Variants in EVL observed in about 807,000 individuals in gnomAD.
The protein encoded by EVL is ena/VASP-like protein.
EVL carries 21 observed loss-of-function variants against 59.6 expected under a neutral mutation model. That is an observed-to-expected ratio of 0.35 (90% confidence interval 0.25 to 0.51). The LOEUF is 0.51. Among genes scored for constraint, EVL ranks in the 20% least tolerant of loss-of-function variants. The pLI, the probability that EVL is intolerant of heterozygous loss-of-function variation, is 0.97. For missense variants in EVL, 462 were observed against 546.6 expected, an observed-to-expected ratio of 0.85 and a Z score of 1.54; for synonymous variants, 198 against 203.5, an observed-to-expected ratio of 0.97 and a Z score of 0.23.
chr14:100,098,333 G>A (rs886844080), intron 3 of EVL, among the ~76,000 whole-genome samples: 14 of 152,220 alleles, frequency 9.2e-5, no homozygotes, highest in Admixed American at 2.0e-4. Context: ...AGTGGGCATC[G>A]CAGGCGGGAA....
At chr14:100,004,405 T>C (rs2060965284) in intron 1 of EVL, among the ~76,000 whole-genome samples, 1 of 152,104 alleles carries the variant, frequency 6.6e-6, no homozygotes, top group African/African-American at 2.4e-5. Context: ...AATTACAATC[T>C]CTTATCATTT....
At chr14:100,116,186 G>A (rs1047123760) in intron 3 of EVL, among the ~76,000 whole-genome samples, 3 of 152,226 alleles carry the variant, frequency 2.0e-5, no homozygotes, top group African/African-American at 7.2e-5. Flanking sequence ...AGGGAAAGGT[G>A]TGCCGGGGAT....
intron 6 of EVL, 110 bp from the exon 7 acceptor site, chr14:100,129,453 T>C: frequency 1.3e-6 from 2 of 1,507,204 alleles, no homozygotes; most frequent in Non-Finnish European, 9.1e-7. Flanking sequence ...CTTGCAGTGC[T>C]GCTGCCATAG....
chr14:100,110,285 A>G (rs1220848563), intron 3 of EVL, among the ~76,000 whole-genome samples: 1 of 152,152 alleles, frequency 6.6e-6, no homozygotes, highest in East Asian at 1.9e-4. Context: ...GGGGTAGCAG[A>G]ATTGCTTGAG....
At chr14:100,047,844 A>C (rs1595091840) in intron 1 of EVL, among the ~76,000 whole-genome samples, 1 of 152,330 alleles carries the variant, frequency 6.6e-6, no homozygotes, top group African/African-American at 2.4e-5. Context: ...GATGTTTGAC[A>C]AAGGTAAAAA....
At chr14:100,115,449 T>C (rs1887278300) in intron 3 of EVL, among the ~76,000 whole-genome samples, 1 of 152,246 alleles carries the variant, frequency 6.6e-6, no homozygotes, top group South Asian at 2.1e-4. Context: ...CTCCAGTGTC[T>C]CCTTGTTAGT....
intron 7 of EVL, among the ~76,000 whole-genome samples, chr14:100,131,592 G>A (rs570038658): frequency 1.6e-4 from 25 of 152,312 alleles, no homozygotes; most frequent in Non-Finnish European, 3.1e-4. Context: ...TACACTCCCC[G>A]TGAGCAGGTG....
intron 3 of EVL, among the ~76,000 whole-genome samples, chr14:100,117,168 C>T (rs1887401087): frequency 6.6e-6 from 1 of 152,176 alleles, no homozygotes; most frequent in African/African-American, 2.4e-5. Flanking sequence ...GAAGACTTTG[C>T]CAGTGAGAAC....
At chr14:100,132,069 TGTAGACCTGGGAG>T (rs1429825915) in intron 7 of EVL, among the ~76,000 whole-genome samples, 1 of 152,004 alleles carries the variant, frequency 6.6e-6, no homozygotes, top group Non-Finnish European at 1.5e-5. Context: ...TGCCTGCCTC[TGTAGACCTGGGAG>T]GTCAGCAGAT....
chr14:99,986,921 T>C (rs2060843525), intron 1 of EVL, among the ~76,000 whole-genome samples: 1 of 152,194 alleles, frequency 6.6e-6, no homozygotes. Context: ...GATTGTAAAC[T>C]TCAGTGGGAA....
At chr14:100,000,599 G>A (rs1489198243) in intron 1 of EVL, among the ~76,000 whole-genome samples, 12 of 151,884 alleles carry the variant, frequency 7.9e-5, no homozygotes, top group Admixed American at 7.2e-4. Context: ...CGCCCACCTC[G>A]GCCTCCCAAA....
chr14:100,039,224 C>T (rs923920882), intron 1 of EVL, among the ~76,000 whole-genome samples: 9 of 152,248 alleles, frequency 5.9e-5, no homozygotes, highest in Middle Eastern at 3.4e-3. Context: ...TTAAAACAAT[C>T]CTTGTTAGAG....
intron 1 of EVL, among the ~76,000 whole-genome samples, chr14:100,013,237 A>G (rs1408419570): frequency 6.6e-6 from 1 of 152,230 alleles, no homozygotes; most frequent in Admixed American, 6.5e-5. Context: ...GTTCAGCATA[A>G]GACAATGTGT....
At chr14:100,093,578 G>T (rs1333702000) in intron 2 of EVL, among the ~76,000 whole-genome samples, 2 of 152,178 alleles carry the variant, frequency 1.3e-5, no homozygotes, top group Admixed American at 1.3e-4. Flanking sequence ...AGAAACGGCA[G>T]GGCCAGGGGC....
intron 1 of EVL, among the ~76,000 whole-genome samples, chr14:100,073,887 A>G (rs2062101956): frequency 6.6e-6 from 1 of 152,066 alleles, no homozygotes; most frequent in African/African-American, 2.4e-5. Flanking sequence ...CTTGCCCCTC[A>G]GTTCAGTGGC....
intron 1 of EVL, among the ~76,000 whole-genome samples, chr14:99,983,593 C>G (rs539498788): frequency 6.6e-6 from 1 of 152,232 alleles, no homozygotes; most frequent in Non-Finnish European, 1.5e-5. Flanking sequence ...CCAGCACTCT[C>G]AACCATTCTC....
intron 1 of EVL, among the ~76,000 whole-genome samples, chr14:100,042,127 G>A (rs1020901288): frequency 1.3e-5 from 2 of 152,152 alleles, no homozygotes; most frequent in Admixed American, 6.5e-5. Flanking sequence ...ATGGTAATAT[G>A]AAAATTATTA....
intron 1 of EVL, among the ~76,000 whole-genome samples, chr14:100,072,469 A>G (rs1566997892): frequency 6.6e-6 from 1 of 152,234 alleles, no homozygotes; most frequent in Admixed American, 6.5e-5. Context: ...TCCTGATCTC[A>G]GGTGATCCAC....
At chr14:100,138,048 G>A in intron 11 of EVL, 1 of 587,070 alleles carries the variant, frequency 1.7e-6, no homozygotes, top group Non-Finnish European at 3.0e-6. Flanking sequence ...TAGTGCAGGG[G>A]GGGGCCAACA....
Sources: allele counts gnomAD v4.1 joint callset (sites outside exome capture counted in the v4.1 genomes callset), GRCh38; gene constraint gnomAD v4.1.1; transcripts MANE v1.5; gene names NCBI Gene and HGNC (gene_info 2026-07-23, HGNC 2026-07-21).